Variants in AACS observed in about 807,000 individuals in gnomAD.
AACS encodes acetoacetate-CoA ligase.
In AACS, 69 loss-of-function variants were observed where a neutral mutation model predicts 83.1. The observed-to-expected ratio is 0.83, with a 90% CI of 0.68 to 1.01. The LOEUF (loss-of-function observed/expected upper bound fraction) is 1.01, where lower values mean the gene tolerates loss of function less well. AACS is among the 50% of genes least tolerant of loss of function. The pLI, the probability that AACS is intolerant of heterozygous loss-of-function variation, is 0.00. For synonymous variants in AACS, 333 were observed against 343.4 expected (o/e 0.97, Z 0.33); for missense variants, 866 against 882.2 (o/e 0.98, Z 0.23).
At chr12:125,136,955 T>C in intron 17 of AACS, 91 bp downstream of exon 17, 1 of 1,345,566 alleles carries the variant, frequency 7.4e-7, no homozygotes, top group South Asian at 1.3e-5. Context: ...AGCTTGCCGG[T>C]GCTTTATATA....
chr12:125,118,094 G>C (rs1164735730), intron 9 of AACS: 1 of 153,114 alleles, frequency 6.5e-6, no homozygotes, highest in African/African-American at 2.4e-5. Flanking sequence ...GGGCCCTCCA[G>C]GGGACGCTGG....
At chr12:125,118,431 C>T (rs1188204081) in intron 9 of AACS, 2 of 599,936 alleles carry the variant, frequency 3.3e-6, no homozygotes, top group African/African-American at 3.7e-5. Context: ...TTCTGTGACA[C>T]ATCTTCATGC....
intron 5 of AACS, among the ~76,000 whole-genome samples, chr12:125,093,220 G>C (rs1480993041): frequency 1.3e-5 from 2 of 152,226 alleles, no homozygotes; most frequent in African/African-American, 4.8e-5. Flanking sequence ...GCCGTGTGTG[G>C]CAGGGGAGTG....
chr12:125,078,488 C>A, intron 3 of AACS: 1 of 372,902 alleles, frequency 2.7e-6, no homozygotes, highest in Non-Finnish European at 5.3e-6. Flanking sequence ...GCATGCCCAC[C>A]TGTCTGTTAC....
At chr12:125,088,898 G>A in intron 4 of AACS, among the ~76,000 whole-genome samples, 1 of 152,208 alleles carries the variant, frequency 6.6e-6, no homozygotes, top group East Asian at 1.9e-4. Flanking sequence ...GGGACTTTGA[G>A]TTTTCCAGAA....
At chr12:125,075,819 C>T (rs548969083) in intron 2 of AACS, among the ~76,000 whole-genome samples, 1 of 142,686 alleles carries the variant, frequency 7.0e-6, no homozygotes, top group East Asian at 2.2e-4. Context: ...GTCTCGAGCT[C>T]CTGACCTTGT....
intron 1 of AACS, among the ~76,000 whole-genome samples, chr12:125,067,896 G>A (rs1594560815): frequency 6.6e-6 from 1 of 152,198 alleles, no homozygotes; most frequent in East Asian, 1.9e-4. Flanking sequence ...GGAAGTCATT[G>A]GATCTCTTCA....
intron 9 of AACS, among the ~76,000 whole-genome samples, chr12:125,115,283 T>C (rs1957035230): frequency 6.7e-6 from 1 of 149,386 alleles, no homozygotes; most frequent in Non-Finnish European, 1.5e-5. Flanking sequence ...TTTTTTGCGA[T>C]GAAGTCTAGC....
At chr12:125,088,307 A>C (rs1039080691) in intron 4 of AACS, among the ~76,000 whole-genome samples, 10 of 150,750 alleles carry the variant, frequency 6.6e-5, no homozygotes, top group Admixed American at 2.7e-4. Context: ...TCATGGCTCA[A>C]CTGCAGCCTC....
In AACS at chr12:125,142,142, T is replaced by C. The variant is rs1296918055; in HGVS notation, c.1932T>C (p.Ala644=). The change falls in exon 18 of 18, where the codon GCT becomes GCC. Residue 644 remains alanine, a synonymous_variant. Coordinates refer to ENST00000316519, the MANE Select transcript of AACS (RefSeq NM_023928.5). ...AAGTTGCCGTCAAACAGATCATCGC[T>C]GGAAAAGCCGTGGAGCAAGGAGGTG... ...KVEVAVKQII[A]GKAVEQGGAF... The C allele has an allele frequency of 6.2e-7, 1 of 1,613,986 alleles. No homozygotes were observed. The highest frequency in any genetic ancestry group is 8.5e-7 in the Non-Finnish European group (1 of 1,180,020).
rs36067220 is a variant in AACS at position 125,077,074 on chromosome 12, ATT to A, written c.358+483_358+484del. On this transcript the variant is annotated intron_variant, in intron 3 of 17. Transcript: ENST00000316519. Reference sequence around the variant, plus strand: ...AGGCACACACCACTATGCATGGCTGATTTTTTTTTTTTTTTTTTTTTAGTAGA... The same window carrying A: ...AGGCACACACCACTATGCATGGCTGATTTTTTTTTTTTTTTTTTTAGTAGA... 7.2e-3 allele frequency among the ~76,000 whole-genome samples: 867 copies of A among 121,252 alleles called. 10 individuals carry two copies. Among genetic ancestry groups the A allele is most frequent in the African/African-American group, 0.022 (713 of 32,308 alleles). 79.5% of individuals were successfully genotyped at this position (121,252 alleles called of 152,430 possible). A position where few individuals can be genotyped will look rare whatever the true frequency, so the allele number is the denominator to read the frequency against.
intron 3 of AACS, among the ~76,000 whole-genome samples, chr12:125,080,256 C>T (rs2136051459): frequency 6.6e-6 from 1 of 152,216 alleles, no homozygotes; most frequent in South Asian, 2.1e-4. Context: ...GTGCTTTAAC[C>T]CAATGTCTCA....
chr12:125,101,303 A>G (rs908438411), intron 5 of AACS: 1 of 152,266 alleles, frequency 6.6e-6, no homozygotes, highest in African/African-American at 2.4e-5. Flanking sequence ...CCATGCCTGC[A>G]TGGAAGGAAT....
At chr12:125,076,371 G>C in intron 2 of AACS, 120 bp from the exon 3 acceptor site, 1 of 1,389,004 alleles carries the variant, frequency 7.2e-7, no homozygotes, top group Non-Finnish European at 9.9e-7. Context: ...GGGCCAATGA[G>C]TGAGCTGGCT....
chr12:125,095,190 C>A (rs1022841473), intron 5 of AACS, among the ~76,000 whole-genome samples: 1 of 152,156 alleles, frequency 6.6e-6, no homozygotes, highest in Non-Finnish European at 1.5e-5. Flanking sequence ...AAGCTGTCCT[C>A]GAGCAGCTCT....
At chr12:125,134,407 C>T (rs2291247) in intron 15 of AACS, among the ~76,000 whole-genome samples, 6 of 151,978 alleles carry the variant, frequency 3.9e-5, no homozygotes, top group South Asian at 2.1e-4. Context: ...CCTGGGGTGG[C>T]GCATCCCTGT....
chr12:125,114,062 T>G (rs1957003745), intron 8 of AACS, among the ~76,000 whole-genome samples: 1 of 149,352 alleles, frequency 6.7e-6, no homozygotes, highest in African/African-American at 2.4e-5. Flanking sequence ...CACCCCGCTG[T>G]TCCCTGTCCC....
In AACS at chr12:125,069,462, T is replaced by G. The variant is rs567298959; in HGVS notation, c.133+3745T>G. On this transcript the variant is annotated intron_variant, in intron 1 of 17. Transcript: ENST00000316519. ...TCTTTTCCACTGCCATAACCACAGG[T>G]TGGTTGGTTCTTGTCACTGCTTCCA... 2.6e-4 allele frequency among the ~76,000 whole-genome samples: 40 copies of G among 152,258 alleles called. No homozygotes were observed. In the East Asian group the frequency reaches 6.2e-3, roughly 24 times the overall value.
Position 125,118,695 on chromosome 12 carries a change from A to G in AACS, c.1051A>G (p.Met351Val). 1.9e-6 allele frequency: 3 copies of G among 1,614,084 alleles called. No homozygotes were observed. The highest frequency in any genetic ancestry group is 2.5e-6 in the Non-Finnish European group (3 of 1,179,986). ...MVSLLATGAA[M>V]VLYDGSPLVP... ...GTCCCTTCTGGCCACAGGAGCGGCC[A>G]TGGTCTTGTACGATGGCTCCCCCCT... is the stretch of plus-strand genomic sequence containing the variant. Residue 351 changes from methionine (M) to valine (V), a missense_variant, in exon 10 of 18, where the codon ATG (methionine) becomes GTG (valine). Transcript: ENST00000316519.
Sources: allele counts gnomAD v4.1 joint callset (sites outside exome capture counted in the v4.1 genomes callset), GRCh38; gene constraint gnomAD v4.1.1; transcripts MANE v1.5; gene names NCBI Gene and HGNC (gene_info 2026-07-23, HGNC 2026-07-21).